The following CACNB2 variants were observed in gnomAD, a reference collection of about 807,000 sequenced individuals.
CACNB2 encodes calcium voltage-gated channel auxiliary subunit beta 2, also known as voltage-dependent L-type calcium channel subunit beta-2.
A neutral mutation model predicts 73.3 loss-of-function variants in CACNB2; 42 were observed. That is an observed-to-expected ratio of 0.57 (90% confidence interval 0.45 to 0.74). The LOEUF (loss-of-function observed/expected upper bound fraction) is 0.74, where lower values mean the gene tolerates loss of function less well. CACNB2 is among the 30% of genes least tolerant of loss of function. CACNB2 has a pLI of 0.00. For missense variants in CACNB2, 940 were observed against 853.0 expected (o/e 1.10, Z -1.27); for synonymous variants, 348 against 310.3 (o/e 1.12, Z -1.28).
chr10:18,490,232 A>G (rs2049330622), intron 3 of CACNB2, among the ~76,000 whole-genome samples: 1 of 152,196 alleles, frequency 6.6e-6, no homozygotes, highest in African/African-American at 2.4e-5. Context: ...ACAAATTGGT[A>G]CTTACGAATT....
intron 2 of CACNB2, among the ~76,000 whole-genome samples, chr10:18,277,567 A>G (rs1439136203): frequency 2.0e-5 from 3 of 152,276 alleles, no homozygotes; most frequent in Non-Finnish European, 4.4e-5. Flanking sequence ...ATGCGACATG[A>G]TAAATCAATA....
chr10:18,507,375 A>C (rs949990502), intron 6 of CACNB2, among the ~76,000 whole-genome samples: 4 of 152,232 alleles, frequency 2.6e-5, no homozygotes, highest in African/African-American at 9.6e-5. Flanking sequence ...TTCTTTCCAA[A>C]GCAGTGGGTT....
chr10:18,173,685 TAG>T (rs2033398564), intron 2 of CACNB2, among the ~76,000 whole-genome samples: 1 of 152,190 alleles, frequency 6.6e-6, no homozygotes, highest in Non-Finnish European at 1.5e-5. Context: ...GTTCTGAATA[TAG>T]AGAGACATTT....
chr10:18,324,332 A>G (rs2040501613), intron 2 of CACNB2, among the ~76,000 whole-genome samples: 1 of 152,216 alleles, frequency 6.6e-6, no homozygotes. Context: ...GAAAGTTTCC[A>G]TTGAATTTAA....
At chr10:18,196,357 A>ATCATGGCTCATTGCAGCAGCCTGG (rs1261125983) in intron 2 of CACNB2, among the ~76,000 whole-genome samples, 1 of 146,720 alleles carries the variant, frequency 6.8e-6, no homozygotes, top group Non-Finnish European at 1.5e-5. Flanking sequence ...CAGTGGCCTG[A>ATCATGGCTCATTGCAGCAGCCTGG]TCATGGCTCA....
chr10:18,474,201 G>A (rs932545735), intron 3 of CACNB2, among the ~76,000 whole-genome samples: 4 of 152,138 alleles, frequency 2.6e-5, no homozygotes, highest in African/African-American at 7.2e-5. Flanking sequence ...CGCAGCTGGC[G>A]GGAGAATAAT....
At chr10:18,482,141 C>T (rs2048814010) in intron 3 of CACNB2, among the ~76,000 whole-genome samples, 3 of 152,088 alleles carry the variant, frequency 2.0e-5, no homozygotes, top group South Asian at 2.1e-4. Flanking sequence ...CAATCCATCT[C>T]GGCTTTCCAA....
At chr10:18,224,429 G>T (rs2035910400) in intron 2 of CACNB2, 2 of 151,854 alleles carry the variant, frequency 1.3e-5, no homozygotes, top group African/African-American at 4.8e-5. Context: ...AAAATTAAAG[G>T]AAATCCATTT....
intron 1 of CACNB2, among the ~76,000 whole-genome samples, chr10:18,142,376 C>T (rs1314733002): frequency 6.6e-6 from 1 of 152,226 alleles, no homozygotes; most frequent in Non-Finnish European, 1.5e-5. Context: ...ACATTCCCAT[C>T]TGGCCTCTGC....
intron 2 of CACNB2, among the ~76,000 whole-genome samples, chr10:18,287,715 A>T (rs564598654): frequency 4.6e-5 from 7 of 152,248 alleles, no homozygotes; most frequent in Non-Finnish European, 8.8e-5. Context: ...GCTGGGCACG[A>T]TGGCACGCCC....
chr10:18,524,944 CACTTGAGCCTGGGA>C (rs1331286677), intron 9 of CACNB2, among the ~76,000 whole-genome samples: 1 of 146,572 alleles, frequency 6.8e-6, no homozygotes, highest in Non-Finnish European at 1.5e-5. Context: ...CCAGGGGGAT[CACTTGAGCCTGGGA>C]GGTTGAGGCT....
chr10:18,405,783 C>T (rs1040949581), intron 3 of CACNB2, among the ~76,000 whole-genome samples: 13 of 152,052 alleles, frequency 8.5e-5, no homozygotes, highest in East Asian at 5.8e-4. Flanking sequence ...CATGGTGAAA[C>T]GCTGTCTCTA....
At chr10:18,202,589 A>G (rs2034928481) in intron 2 of CACNB2, among the ~76,000 whole-genome samples, 1 of 152,236 alleles carries the variant, frequency 6.6e-6, no homozygotes, top group African/African-American at 2.4e-5. Flanking sequence ...TAAGCAAATT[A>G]GAGATGATAT....
intron 2 of CACNB2, among the ~76,000 whole-genome samples, chr10:18,193,258 G>A (rs1227930516): frequency 1.0e-5 from 1 of 96,648 alleles, no homozygotes. Context: ...AACTTTTTGA[G>A]AAAGTGTCAA....
In CACNB2 at chr10:18,519,082, C is replaced by T. The variant is rs572733382; in HGVS notation, c.944+114C>T. On this transcript the variant is annotated intron_variant, in intron 9 of 13. Transcript: ENST00000324631. ...TGGCCCTCTGATGTCTATATGATGACAGGAAACAAGTTTCACTCAATTTAA... is the reference window on the plus strand; with the variant it reads ...TGGCCCTCTGATGTCTATATGATGATAGGAAACAAGTTTCACTCAATTTAA... 1.6e-5 allele frequency: 14 copies of T among 854,940 alleles called. No homozygotes were observed. In the African/African-American group the frequency reaches 2.2e-4, roughly 13 times the overall value. 53.0% of individuals were successfully genotyped at this position (854,940 alleles called of 1,614,324 possible).
intron 2 of CACNB2, among the ~76,000 whole-genome samples, chr10:18,243,041 A>G (rs2036725771): frequency 6.6e-6 from 1 of 151,746 alleles, no homozygotes; most frequent in Non-Finnish European, 1.5e-5. Flanking sequence ...AAACATGCAA[A>G]AAGTCTTGAA....
chr10:18,534,933 A>C (rs1022266974), intron 11 of CACNB2, among the ~76,000 whole-genome samples: 8 of 152,208 alleles, frequency 5.3e-5, no homozygotes, highest in Non-Finnish European at 5.9e-5. Context: ...CACTTAAAGG[A>C]GAACAGCATG....
intron 3 of CACNB2, among the ~76,000 whole-genome samples, chr10:18,439,054 A>G (rs2046291354): frequency 6.6e-6 from 1 of 152,232 alleles, no homozygotes; most frequent in African/African-American, 2.4e-5. Flanking sequence ...AGGCCAGTGA[A>G]TTAAACTAAC....
At position 18,500,795 on chromosome 10, in the gene CACNB2, T is replaced by A. The variant is rs4485000; in HGVS notation, c.457-17T>A. The A allele has an allele frequency of 2.5e-6, 4 of 1,612,258 alleles. No homozygotes were observed. Among genetic ancestry groups the A allele is most frequent in the Non-Finnish European group, 3.4e-6 (4 of 1,178,968 alleles). Reference sequence around the variant, plus strand: ...CTTCTGTGCACTGATTTTTAATGCTTTTGATTTTGTGTTTAGAAATTTAAC... The same window carrying A: ...CTTCTGTGCACTGATTTTTAATGCTATTGATTTTGTGTTTAGAAATTTAAC... On this transcript the variant is annotated splice_polypyrimidine_tract_variant and intron_variant, in intron 4 of 13. Coordinates refer to ENST00000324631, the MANE Select transcript of CACNB2 (RefSeq NM_201596.3).
Sources: gnomAD v4.1 joint callset for allele counts (sites outside exome capture counted in the v4.1 genomes callset) on GRCh38, gnomAD v4.1.1 for gene constraint, MANE v1.5 for transcripts, NCBI Gene and HGNC (gene_info 2026-07-23, HGNC 2026-07-21) for gene names.